The following RAB20 variants were observed in gnomAD, a reference collection of about 807,000 sequenced individuals.
RAB20 encodes RAB20, member RAS oncogene family, also known as ras-related protein Rab-20.
Under a neutral mutation model 3.7 loss-of-function variants are expected in RAB20, and 2 were observed. The observed-to-expected ratio is 0.54, with a 90% confidence interval of 0.22 to 1.69. The LOEUF (loss-of-function observed/expected upper bound fraction) is 1.69. Ranked by LOEUF, RAB20 falls within the 40% of genes most tolerant of loss-of-function variation. RAB20 has a pLI of 0.19. For synonymous variants in RAB20, 126 were observed against 130.8 expected (o/e 0.96, Z 0.25); for missense variants, 276 against 311.9 (o/e 0.88, Z 0.87).
At chr13:110,525,075 G>A (rs1022790879) in intron 1 of RAB20, among the ~76,000 whole-genome samples, 6 of 152,188 alleles carry the variant, frequency 3.9e-5, no homozygotes, top group Non-Finnish European at 5.9e-5. Flanking sequence ...CGGGGAACAG[G>A]GCCAGCTGGC....
intron 1 of RAB20, among the ~76,000 whole-genome samples, chr13:110,538,254 A>G (rs1884684469): frequency 6.7e-6 from 1 of 149,622 alleles, no homozygotes; most frequent in South Asian, 2.1e-4. Context: ...AAAAAAAAAA[A>G]AAGAAAGAAA....
At chr13:110,536,398 A>G (rs555184812) in intron 1 of RAB20, among the ~76,000 whole-genome samples, 2 of 152,316 alleles carry the variant, frequency 1.3e-5, no homozygotes, top group Middle Eastern at 3.4e-3. Flanking sequence ...ACAGGCACCG[A>G]AAGTCAGGAA....
At chr13:110,553,945 G>A (rs532214196) in intron 1 of RAB20, among the ~76,000 whole-genome samples, 18 of 152,178 alleles carry the variant, frequency 1.2e-4, no homozygotes, top group South Asian at 1.0e-3. Context: ...GCAAGACCCC[G>A]TCTCTACAAA....
intron 1 of RAB20, among the ~76,000 whole-genome samples, chr13:110,557,553 G>A (rs1885059931): frequency 6.6e-6 from 1 of 152,242 alleles, no homozygotes. Flanking sequence ...AGACCAAGAT[G>A]TCTCATCTTT....
intron 1 of RAB20, among the ~76,000 whole-genome samples, chr13:110,531,803 C>A (rs1165591494): frequency 1.3e-5 from 2 of 152,200 alleles, no homozygotes; most frequent in Non-Finnish European, 2.9e-5. Context: ...GTTTCTTATT[C>A]TCAGATGATG....
intron 1 of RAB20, among the ~76,000 whole-genome samples, chr13:110,558,374 T>C (rs1381260646): frequency 1.5e-5 from 2 of 130,808 alleles, no homozygotes; most frequent in Admixed American, 9.5e-5. Context: ...TTCTGCTGTC[T>C]TCCCACTTTT....
chr13:110,543,773 T>TA, intron 1 of RAB20, among the ~76,000 whole-genome samples: 1 of 147,884 alleles, frequency 6.8e-6, no homozygotes, highest in South Asian at 2.1e-4. Flanking sequence ...AAATGTGGGT[T>TA]ATTTTTTTTT....
rs1885140059 is a variant in RAB20 at position 110,561,694 on chromosome 13, C to A, written c.-175G>T. The A allele has an allele frequency of 8.4e-7, 1 of 1,187,746 alleles. No individual in the cohort carries two copies. Among genetic ancestry groups the A allele is most frequent in the Non-Finnish European group, 1.1e-6 (1 of 914,592 alleles). The allele number at this position is 1,187,746 out of a possible 1,614,324, so 73.6% of individuals were successfully genotyped here. A position where few individuals can be genotyped will look rare whatever the true frequency, so the allele number is the denominator to read the frequency against. On this transcript the variant is annotated 5_prime_UTR_variant, in exon 1 of 2. Coordinates refer to ENST00000267328, the MANE Select transcript of RAB20 (RefSeq NM_017817.3). The stretch of plus-strand genomic sequence containing the variant: ...GAGCTCAAGAGAGGAAGCGCGTGTG[C>A]GCGCCCGGGAAGGAGCTGGGTGCAG...
At chr13:110,540,290 G>A (rs1176997384) in intron 1 of RAB20, among the ~76,000 whole-genome samples, 3 of 152,208 alleles carry the variant, frequency 2.0e-5, no homozygotes, top group African/African-American at 2.4e-5. Flanking sequence ...CTGTAATAAC[G>A]AATGTTTAGA....
Position 110,534,483 on chromosome 13 carries a change from C to T in RAB20, c.173-10286G>A, listed in dbSNP as rs1042624507. 2.0e-5 allele frequency among the ~76,000 whole-genome samples: 3 copies of T among 152,238 alleles called. No individual in the cohort carries two copies. In the East Asian group the frequency reaches 5.8e-4, roughly 29 times the overall value. The stretch of plus-strand genomic sequence containing the variant: ...GAGTGTGCCGGTCAAGGGTGCCGAC[C>T]ACGCCCCGACCCCTGCCTTGCCCCT... On this transcript the variant is annotated intron_variant, in intron 1 of 1. Transcript: ENST00000267328.
In RAB20 at chr13:110,523,144, G is replaced by C. The variant is rs1157428108; in HGVS notation, c.*521C>G. 1 of 399,096 alleles carries C rather than the reference G, an allele frequency of 2.5e-6. No homozygotes were observed. Among genetic ancestry groups the C allele is most frequent in the Admixed American group, 4.3e-5 (1 of 23,040 alleles). The allele number at this position is 399,096 out of a possible 1,614,324, so 24.7% of individuals were successfully genotyped here. On this transcript the variant is annotated 3_prime_UTR_variant, in exon 2 of 2. Coordinates refer to ENST00000267328, the MANE Select transcript of RAB20 (RefSeq NM_017817.3). ...TCAGTATAAAAACAAAGTTATTCCTGATTTTGTATAAATGAACACGTCGAG... is the reference window on the plus strand; with the variant it reads ...TCAGTATAAAAACAAAGTTATTCCTCATTTTGTATAAATGAACACGTCGAG...
At chr13:110,525,220 G>C in intron 1 of RAB20, among the ~76,000 whole-genome samples, 1 of 152,354 alleles carries the variant, frequency 6.6e-6, no homozygotes, top group Non-Finnish European at 1.5e-5. Context: ...GCATAGCAGC[G>C]CTAGAGGGAG....
Position 110,561,445 on chromosome 13 carries a change from A to G in RAB20, c.75T>C (p.Tyr25=), listed in dbSNP as rs1386807531. 4 of 1,608,102 alleles carry G rather than the reference A, an allele frequency of 2.5e-6. No homozygotes were observed. The highest frequency in any genetic ancestry group is 2.7e-5 in the African/African-American group (2 of 74,044). ...NVGKTSLLQR[Y]MERRFPDTVS... ...CCGTGTCCGGGAAGCGCCGCTCCAT[A>G]TACCGCTGCAGCAGCGACGTCTTCC... The change falls in exon 1 of 2, where the codon TAT becomes TAC. Residue 25 remains tyrosine, a synonymous_variant. Transcript: ENST00000267328.
At chr13:110,540,780 T>C (rs1439727339) in intron 1 of RAB20, among the ~76,000 whole-genome samples, 1 of 122,978 alleles carries the variant, frequency 8.1e-6, no homozygotes, top group African/African-American at 3.4e-5. Context: ...AATTTTGTTA[T>C]GTATATTATA....
chr13:110,527,353 G>A (rs892368751), intron 1 of RAB20, among the ~76,000 whole-genome samples: 31 of 151,956 alleles, frequency 2.0e-4, no homozygotes, highest in African/African-American at 6.3e-4. Flanking sequence ...CCCAGGCCCC[G>A]AGCGTGGACT....
intron 1 of RAB20, among the ~76,000 whole-genome samples, chr13:110,548,099 C>T (rs1884887135): frequency 6.6e-6 from 1 of 152,142 alleles, no homozygotes; most frequent in African/African-American, 2.4e-5. Context: ...CAACAGACTA[C>T]AAAAATAAAA....
rs114095583 is a variant in RAB20, at chr13:110,544,663, C to T, written c.172+16685G>A. Among the ~76,000 whole-genome samples the T allele has an allele frequency of 8.9e-3, 1,353 of 152,290 alleles. 23 individuals are homozygous for T. The highest frequency in any genetic ancestry group is 0.031 in the African/African-American group (1,289 of 41,566). On this transcript the variant is annotated intron_variant, in intron 1 of 1. Coordinates refer to ENST00000267328, the MANE Select transcript of RAB20 (RefSeq NM_017817.3). ...CACAGAGACGTGTGGCGCAGACAGA[C>T]GGGAATACTGGAGCCTGTGGAGGGT...
chr13:110,540,607 T>C (rs945386084), intron 1 of RAB20, among the ~76,000 whole-genome samples: 3 of 151,010 alleles, frequency 2.0e-5, no homozygotes, highest in African/African-American at 7.3e-5. Flanking sequence ...CCAGGCGGAG[T>C]GGTGGGTGCC....
At chr13:110,533,362 A>T (rs9559838) in intron 1 of RAB20, among the ~76,000 whole-genome samples, 61,656 of 151,852 alleles carry the variant, frequency 0.41, 13,001 homozygotes, top group African/African-American at 0.53. Context: ...TTGTTTTTTT[A>T]AAACCGATAG....
Sources: gnomAD v4.1 joint callset for allele counts (sites outside exome capture counted in the v4.1 genomes callset) on GRCh38, gnomAD v4.1.1 for gene constraint, MANE v1.5 for transcripts, NCBI Gene and HGNC (gene_info 2026-07-23, HGNC 2026-07-21) for gene names.